SKIC3: variants seen among roughly 807,000 people sequenced by gnomAD.
SKIC3 encodes the protein superkiller complex protein 3.
At chr5:95,550,745 T>C in the SKIC3 span, 1 of 152,542 alleles carries the variant, frequency 6.6e-6, no homozygotes, top group Non-Finnish European at 1.5e-5. Flanking sequence ...TCAATTTTCA[T>C]AATTCATAAT....
chr5:95,470,538 T>C, the SKIC3 span, among the ~76,000 whole-genome samples: 3 of 152,254 alleles, frequency 2.0e-5, no homozygotes, highest in East Asian at 5.8e-4. Context: ...CAAAACTCAA[T>C]TTAACATAAT....
chr5:95,529,274 T>C, the SKIC3 span: 5 of 692,460 alleles, frequency 7.2e-6, no homozygotes, highest in Non-Finnish European at 1.3e-5. Context: ...TACATTTTTC[T>C]CCATCTCCAC....
chr5:95,484,821 T>C, the SKIC3 span: 3 of 1,614,116 alleles, frequency 1.9e-6, no homozygotes, highest in East Asian at 4.5e-5. Context: ...CTGGTTGTAA[T>C]TTTCAAAGAA....
the SKIC3 span, chr5:95,537,005 C>A: frequency 6.2e-7 from 1 of 1,601,664 alleles, no homozygotes; most frequent in Non-Finnish European, 8.6e-7. Context: ...ATTAGAAATA[C>A]ATACAAGTCA....
At chr5:95,506,801 C>A in the SKIC3 span, 1 of 909,794 alleles carries the variant, frequency 1.1e-6, no homozygotes, top group Non-Finnish European at 1.7e-6. Flanking sequence ...GTTAACAGAG[C>A]CTGTTTCTAT....
chr5:95,467,827 T>A, the SKIC3 span: 3 of 1,611,742 alleles, frequency 1.9e-6, no homozygotes, highest in Non-Finnish European at 2.5e-6. Context: ...TTAAATAAAA[T>A]CAATGCCTCA....
chr5:95,485,653 T>C, the SKIC3 span, among the ~76,000 whole-genome samples: 1 of 152,170 alleles, frequency 6.6e-6, no homozygotes, highest in Non-Finnish European at 1.5e-5. Flanking sequence ...GTTACTATCT[T>C]AGATTTTCTG....
the SKIC3 span, among the ~76,000 whole-genome samples, chr5:95,468,324 T>A: frequency 6.6e-6 from 1 of 152,172 alleles, no homozygotes; most frequent in Non-Finnish European, 1.5e-5. Context: ...CGCTATTTTA[T>A]AATCTACTTT....
chr5:95,530,158 G>A, the SKIC3 span: 2 of 1,613,514 alleles, frequency 1.2e-6, no homozygotes, highest in Non-Finnish European at 1.7e-6. Context: ...AAGCCAATGA[G>A]GCCTGGACCA....
At chr5:95,498,186 C>G in the SKIC3 span, among the ~76,000 whole-genome samples, 10 of 152,094 alleles carry the variant, frequency 6.6e-5, no homozygotes, top group Non-Finnish European at 1.2e-4. Flanking sequence ...TAAAAAAACA[C>G]AATCCTTATA....
At chr5:95,538,018 A>G in the SKIC3 span, among the ~76,000 whole-genome samples, 4 of 152,174 alleles carry the variant, frequency 2.6e-5, no homozygotes, top group Admixed American at 2.0e-4. Context: ...TTCCAAATGA[A>G]AAATCTGTAA....
At chr5:95,466,064 C>G in the SKIC3 span, among the ~76,000 whole-genome samples, 1 of 152,142 alleles carries the variant, frequency 6.6e-6, no homozygotes, top group Non-Finnish European at 1.5e-5. Context: ...CACCAAAAGG[C>G]AAACAGTATT....
the SKIC3 span, among the ~76,000 whole-genome samples, chr5:95,492,670 A>AAAAAAAAAAAAAAAAAAAAC: frequency 7.4e-6 from 1 of 134,956 alleles, no homozygotes; most frequent in Non-Finnish European, 1.6e-5. Context: ...AAAAAAAAAA[A>AAAAAAAAAAAAAAAAAAAAC]AAAAAAAAAA....
At chr5:95,518,626 T>C in the SKIC3 span, among the ~76,000 whole-genome samples, 1 of 152,074 alleles carries the variant, frequency 6.6e-6, no homozygotes, top group Non-Finnish European at 1.5e-5. Flanking sequence ...CAAATTGCCT[T>C]AAATGATAGC....
At chr5:95,476,225 T>C in the SKIC3 span, among the ~76,000 whole-genome samples, 2 of 152,210 alleles carry the variant, frequency 1.3e-5, no homozygotes, top group Non-Finnish European at 1.5e-5. Flanking sequence ...ATCTCAGCTC[T>C]GTACTCCTGA....
At chr5:95,523,522 G>T in the SKIC3 span, 1 of 1,249,252 alleles carries the variant, frequency 8.0e-7, no homozygotes, top group Non-Finnish European at 1.1e-6. Context: ...TTCACTTACA[G>T]AGGCAAAAAT....
At chr5:95,520,675 T>C in the SKIC3 span, 3 of 1,502,394 alleles carry the variant, frequency 2.0e-6, no homozygotes, top group Non-Finnish European at 1.8e-6. Flanking sequence ...TTCATTTTAA[T>C]ATTACAAAAA....
chr5:95,476,515 C>G, the SKIC3 span, among the ~76,000 whole-genome samples: 1 of 152,130 alleles, frequency 6.6e-6, no homozygotes, highest in Non-Finnish European at 1.5e-5. Context: ...TATGGCATAC[C>G]TTTTATTCCT....
the SKIC3 span, among the ~76,000 whole-genome samples, chr5:95,535,438 G>T: frequency 6.6e-6 from 1 of 150,838 alleles, no homozygotes; most frequent in Non-Finnish European, 1.5e-5. Flanking sequence ...AGCCTCCTGA[G>T]TAGCTGGGAT....
Sources: gnomAD v4.1 joint callset for allele counts (sites outside exome capture counted in the v4.1 genomes callset) on GRCh38, gnomAD v4.1.1 for gene constraint, MANE v1.5 for transcripts, NCBI Gene and HGNC (gene_info 2026-07-23, HGNC 2026-07-21) for gene names.